KLHL2: variants seen among roughly 807,000 people sequenced by gnomAD.
KLHL2 encodes the protein kelch-like protein 2.
Under a neutral mutation model 75.8 loss-of-function variants are expected in KLHL2, and 15 were observed. The ratio of observed to expected loss-of-function variants is 0.20; its 90% CI spans 0.13 to 0.30. KLHL2 has a LOEUF of 0.30. Among genes scored for constraint, KLHL2 ranks in the 10% least tolerant of loss-of-function variants. The pLI, the probability that KLHL2 is intolerant of heterozygous loss-of-function variation, is 1.00. For missense variants in KLHL2, 381 were observed against 741.0 expected (o/e 0.51, Z 5.64); for synonymous variants, 214 against 251.9 (o/e 0.85, Z 1.42).
intron 8 of KLHL2, among the ~76,000 whole-genome samples, chr4:165,301,016 A>G (rs72997706): frequency 0.085 from 12,925 of 152,188 alleles, 1,225 homozygotes; most frequent in African/African-American, 0.23. Context: ...ATTTGCCAGG[A>G]TGCTGTTGAC....
At chr4:165,295,334 C>T (rs539747090) in intron 6 of KLHL2, among the ~76,000 whole-genome samples, 1 of 152,288 alleles carries the variant, frequency 6.6e-6, no homozygotes, top group East Asian at 1.9e-4. Context: ...GACACATTTA[C>T]TCTAATATTT....
At position 165,263,461 on chromosome 4, in the gene KLHL2, G is replaced by A. The variant is rs1741867915; in HGVS notation, c.544+102G>A. ...AAGTCATGTCATATTTCTGGATCTG[G>A]GCTTTATAAAAATACATTTAAAATC... On this transcript the variant is annotated intron_variant, in intron 5 of 14. Transcript: ENST00000226725. 6.0e-6 allele frequency: 9 copies of A among 1,505,624 alleles called. No homozygotes were observed. In the South Asian group the frequency reaches 1.1e-4, roughly 18 times the overall value. 93.3% of individuals were successfully genotyped at this position (1,505,624 alleles called of 1,614,324 possible). A position where few individuals can be genotyped will look rare whatever the true frequency, so the allele number is the denominator to read the frequency against.
intron 1 of KLHL2, among the ~76,000 whole-genome samples, chr4:165,213,179 G>C: frequency 6.6e-6 from 1 of 152,076 alleles, no homozygotes; most frequent in East Asian, 1.9e-4. Context: ...TGTCCATTCT[G>C]GTTGCTACTA....
intron 2 of KLHL2, chr4:165,223,807 A>G (rs1372735374): frequency 3.1e-5 from 6 of 193,064 alleles, no homozygotes; most frequent in Admixed American, 6.1e-5. Flanking sequence ...CAAAACACCA[A>G]CATTTTCAAA....
intron 4 of KLHL2, chr4:165,252,740 A>C (rs1289142020): frequency 6.6e-6 from 1 of 152,132 alleles, no homozygotes; most frequent in Non-Finnish European, 1.5e-5. Flanking sequence ...CTAGTGTAGC[A>C]ATTTGGTCAT....
chr4:165,296,117 G>A (rs937274210), intron 6 of KLHL2, among the ~76,000 whole-genome samples: 2 of 152,188 alleles, frequency 1.3e-5, no homozygotes, highest in Non-Finnish European at 2.9e-5. Flanking sequence ...CTGAGACCTC[G>A]GCTAAGGTGA....
chr4:165,311,821 G>A (rs925318737), intron 11 of KLHL2, among the ~76,000 whole-genome samples: 1 of 144,962 alleles, frequency 6.9e-6, no homozygotes, highest in Non-Finnish European at 1.5e-5. Context: ...GTGTGTGTGT[G>A]TGTGTGTGTG....
At chr4:165,284,687 T>C (rs1234246290) in intron 5 of KLHL2, among the ~76,000 whole-genome samples, 1 of 152,244 alleles carries the variant, frequency 6.6e-6, no homozygotes, top group Non-Finnish European at 1.5e-5. Flanking sequence ...GCTTCCGCAT[T>C]TCTGGGTATC....
At chr4:165,213,387 C>T (rs1737331867) in intron 1 of KLHL2, among the ~76,000 whole-genome samples, 1 of 152,172 alleles carries the variant, frequency 6.6e-6, no homozygotes, top group Non-Finnish European at 1.5e-5. Context: ...TCCTATATAT[C>T]CAAGATCATC....
At chr4:165,280,110 C>G (rs1743550264) in intron 5 of KLHL2, among the ~76,000 whole-genome samples, 1 of 152,186 alleles carries the variant, frequency 6.6e-6, no homozygotes, top group African/African-American at 2.4e-5. Context: ...AATCTGTGCT[C>G]TTTGGCCCTT....
chr4:165,303,055 A>G (rs1745452846), intron 8 of KLHL2, among the ~76,000 whole-genome samples: 1 of 152,132 alleles, frequency 6.6e-6, no homozygotes, highest in Non-Finnish European at 1.5e-5. Context: ...TCTTGGTTTT[A>G]TATAAATATT....
intron 10 of KLHL2, among the ~76,000 whole-genome samples, chr4:165,311,199 A>G (rs1319064184): frequency 1.3e-5 from 2 of 152,190 alleles, no homozygotes; most frequent in African/African-American, 4.8e-5. Context: ...TCCTTAAATG[A>G]TATGAGTGGT....
chr4:165,283,610 G>C (rs1367019597), intron 5 of KLHL2, among the ~76,000 whole-genome samples: 3 of 152,270 alleles, frequency 2.0e-5, no homozygotes, highest in Non-Finnish European at 4.4e-5. Flanking sequence ...CTGCCTTCAG[G>C]GGCTGGTGTT....
chr4:165,224,017 C>A, intron 2 of KLHL2: 1 of 422,980 alleles, frequency 2.4e-6, no homozygotes, highest in Non-Finnish European at 4.7e-6. Flanking sequence ...TGGGTTCAAG[C>A]GATTGTCCCA....
chr4:165,260,767 G>A (rs962192143), intron 4 of KLHL2, among the ~76,000 whole-genome samples: 1 of 152,046 alleles, frequency 6.6e-6, no homozygotes, highest in African/African-American at 2.4e-5. Context: ...ACTTCTATTA[G>A]CCACAATAAT....
chr4:165,270,520 T>C (rs1474058590), intron 5 of KLHL2, among the ~76,000 whole-genome samples: 3 of 152,194 alleles, frequency 2.0e-5, no homozygotes, highest in Non-Finnish European at 2.9e-5. Flanking sequence ...TGGATGTCCT[T>C]TTTGTTGATG....
At chr4:165,231,152 A>G (rs1738851698) in intron 3 of KLHL2, among the ~76,000 whole-genome samples, 1 of 152,192 alleles carries the variant, frequency 6.6e-6, no homozygotes, top group Admixed American at 6.5e-5. Context: ...TTTATATATC[A>G]TAAAATTTAC....
At chr4:165,303,676 C>T (rs1745516189) in intron 8 of KLHL2, among the ~76,000 whole-genome samples, 3 of 152,244 alleles carry the variant, frequency 2.0e-5, no homozygotes, top group Middle Eastern at 3.4e-3. Context: ...GATTCTCATG[C>T]CTCAGCCTCC....
At chr4:165,318,079 G>C in intron 14 of KLHL2, 110 bp downstream of exon 14, 1 of 941,142 alleles carries the variant, frequency 1.1e-6, no homozygotes. Context: ...TCAAGGTATA[G>C]TTTATATCTT....
Sources: gnomAD v4.1 joint callset for allele counts (sites outside exome capture counted in the v4.1 genomes callset) on GRCh38, gnomAD v4.1.1 for gene constraint, MANE v1.5 for transcripts, NCBI Gene and HGNC (gene_info 2026-07-23, HGNC 2026-07-21) for gene names.